The following AGO3 variants were observed in gnomAD, a reference collection of about 807,000 sequenced individuals.
AGO3 encodes the protein protein argonaute-3.
In AGO3, 16 loss-of-function variants were observed where a neutral mutation model predicts 105.5. That is an observed-to-expected ratio of 0.15 (90% CI 0.10 to 0.23). The LOEUF (loss-of-function observed/expected upper bound fraction) is 0.23, where lower values mean the gene tolerates loss of function less well. Among genes scored for constraint, AGO3 ranks in the 10% least tolerant of loss-of-function variants. AGO3 has a pLI of 1.00. For missense variants in AGO3, 534 were observed against 1,088.0 expected, an observed-to-expected ratio of 0.49 and a Z score of 7.16; for synonymous variants, 340 against 367.3, an observed-to-expected ratio of 0.93 and a Z score of 0.85.
rs762199381 is a variant in AGO3 at position 35,966,991 on chromosome 1, A to C, written c.228A>C (p.Val76=). The C allele has an allele frequency of 6.2e-7, 1 of 1,613,430 alleles. No individual in the cohort carries two copies. The highest frequency in any genetic ancestry group is 8.5e-7 in the Non-Finnish European group (1 of 1,179,758). ...ACTCAATGGTTCAGCATTTTAAAGT[A>C]ACTATATTTGGAGACCGTAGACCAG... The part of the protein sequence containing the change: ...VVDSMVQHFK[V]TIFGDRRPVY... Residue 76 remains valine (V), a synonymous_variant, in exon 3 of 19, where the codon GTA becomes GTC. Transcript: ENST00000373191.
chr1:35,943,834 C>T (rs775869519), intron 1 of AGO3, among the ~76,000 whole-genome samples: 30 of 151,894 alleles, frequency 2.0e-4, no homozygotes, highest in Non-Finnish European at 4.0e-4. Flanking sequence ...CTCCTGAGCC[C>T]AAGCAGTCTG....
intron 14 of AGO3, among the ~76,000 whole-genome samples, 180 bp from the exon 15 acceptor site, chr1:36,039,610 T>C (rs998854357): frequency 2.0e-5 from 3 of 151,734 alleles, no homozygotes; most frequent in African/African-American, 7.3e-5. Flanking sequence ...GCTTCCTGAG[T>C]AGCTGGGACT....
At chr1:35,990,413 C>T (rs903298786) in intron 5 of AGO3, among the ~76,000 whole-genome samples, 6 of 152,120 alleles carry the variant, frequency 3.9e-5, no homozygotes, top group African/African-American at 7.2e-5. Context: ...GAGGCTGAGG[C>T]AGGAGAATGG....
chr1:36,005,446 A>G (rs1557679683), intron 6 of AGO3, among the ~76,000 whole-genome samples: 1 of 152,244 alleles, frequency 6.6e-6, no homozygotes, highest in Non-Finnish European at 1.5e-5. Flanking sequence ...TTTGAAAATA[A>G]GCATCCATTT....
intron 11 of AGO3, among the ~76,000 whole-genome samples, chr1:36,018,450 T>C (rs999744988): frequency 1.5e-4 from 23 of 152,104 alleles, no homozygotes; most frequent in Admixed American, 7.9e-4. Flanking sequence ...TTTTTTGTTT[T>C]TTGGTTTTTG....
At chr1:35,973,103 T>C (rs887428450) in intron 4 of AGO3, among the ~76,000 whole-genome samples, 4 of 152,008 alleles carry the variant, frequency 2.6e-5, no homozygotes, top group African/African-American at 9.7e-5. Context: ...AGGTCGGAAC[T>C]GTTAACTTTT....
intron 14 of AGO3, among the ~76,000 whole-genome samples, chr1:36,038,947 A>G (rs960878776): frequency 6.6e-6 from 1 of 152,236 alleles, no homozygotes; most frequent in Non-Finnish European, 1.5e-5. Context: ...ATAGGTTGCT[A>G]AAGTGGAAGA....
At position 36,059,296 on chromosome 1, in the gene AGO3, T is replaced by G. The variant is rs1301591699; in HGVS notation, c.*3551T>G. 6.6e-6 allele frequency: 1 copy of G among 152,080 alleles called. No homozygotes were observed. Among genetic ancestry groups the G allele is most frequent in the Non-Finnish European group, 1.5e-5 (1 of 67,974 alleles). 9.4% of individuals were successfully genotyped at this position (152,080 alleles called of 1,614,324 possible). A position where few individuals can be genotyped will look rare whatever the true frequency, so the allele number is the denominator to read the frequency against. ...ATTGGTTCTTAATTACAAGAAAACT[T>G]GTGCTTAGAATTTTAAGATAAAAGG... On this transcript the variant is annotated 3_prime_UTR_variant, in exon 19 of 19. Transcript: ENST00000373191.
In AGO3 at chr1:36,068,105, TCACA is replaced by T. The variant is rs916798129; in HGVS notation, c.*12366_*12369del. 4 of 151,922 alleles carry T rather than the reference TCACA, an allele frequency of 2.6e-5. No individual in the cohort carries two copies. The highest frequency in any genetic ancestry group is 3.4e-3 in the Middle Eastern group (1 of 294). 9.4% of individuals were successfully genotyped at this position (151,922 alleles called of 1,614,324 possible). On this transcript the variant is annotated 3_prime_UTR_variant, in exon 19 of 19. Coordinates refer to ENST00000373191, the MANE Select transcript of AGO3 (RefSeq NM_024852.4). ...TCACACAATTGTTCTTTTTTCCCCATCACACACACTCACACACAAACACACACAC... is the reference window on the plus strand; with the variant it reads ...TCACACAATTGTTCTTTTTTCCCCATCACACTCACACACAAACACACACAC...
At chr1:36,028,637 G>C (rs1438046602) in intron 12 of AGO3, among the ~76,000 whole-genome samples, 2 of 151,644 alleles carry the variant, frequency 1.3e-5, no homozygotes, top group Non-Finnish European at 2.9e-5. Context: ...TCTTAATCCA[G>C]TCTATCATTG....
At chr1:35,959,805 G>T (rs1372305113) in intron 2 of AGO3, among the ~76,000 whole-genome samples, 1 of 151,914 alleles carries the variant, frequency 6.6e-6, no homozygotes, top group African/African-American at 2.4e-5. Flanking sequence ...AAACATTGTA[G>T]TGTATTCATT....
intron 5 of AGO3, among the ~76,000 whole-genome samples, chr1:35,989,415 C>T (rs1024500744): frequency 4.8e-4 from 73 of 152,298 alleles, no homozygotes; most frequent in African/African-American, 1.7e-3. Flanking sequence ...GATGGTTTGT[C>T]ACAGTTCAGT....
In AGO3 at chr1:35,968,302, CTT is replaced by C. The variant is rs1305201393; in HGVS notation, c.312+1228_312+1229del. Among the ~76,000 whole-genome samples the C allele has an allele frequency of 6.6e-5, 10 of 152,238 alleles. No homozygotes were observed. In the Middle Eastern group the frequency reaches 0.01, roughly 155 times the overall value. On this transcript the variant is annotated intron_variant, in intron 3 of 18. Transcript: ENST00000373191. ...ACATATGTAACATAAAATTTACCGTCTTAACCATTTTTAAGGTATATTTCAGT... is the reference window on the plus strand; with the variant it reads ...ACATATGTAACATAAAATTTACCGTCAACCATTTTTAAGGTATATTTCAGT...
intron 5 of AGO3, among the ~76,000 whole-genome samples, chr1:35,977,018 A>G (rs1646966972): frequency 6.6e-6 from 1 of 151,908 alleles, no homozygotes. Flanking sequence ...TTGGTTTGCT[A>G]GGTAGCTGTT....
chr1:36,050,148 A>G (rs1642645124), intron 17 of AGO3, among the ~76,000 whole-genome samples: 1 of 152,234 alleles, frequency 6.6e-6, no homozygotes, highest in Admixed American at 6.5e-5. Flanking sequence ...ATTCACCAGG[A>G]TAGACCACAT....
At chr1:35,983,009 G>A (rs1647082537) in intron 5 of AGO3, 1 of 183,286 alleles carries the variant, frequency 5.5e-6, no homozygotes. Flanking sequence ...AAATTTTGGG[G>A]GCAGGCTGTC....
At position 35,989,925 on chromosome 1, in the gene AGO3, T is replaced by G. The variant is rs147645730; in HGVS notation, c.659-14416T>G. ...GTGAATCTGATGTTTGTTAGTTATA[T>G]CTCCCTTAAGATGTTATTTACCTCT... is the stretch of plus-strand genomic sequence containing the variant. On this transcript the variant is annotated intron_variant, in intron 5 of 18. Coordinates refer to ENST00000373191, the MANE Select transcript of AGO3 (RefSeq NM_024852.4). Among the ~76,000 whole-genome samples, 88 of 152,166 alleles carry G rather than the reference T, an allele frequency of 5.8e-4. 1 individual carries two copies. Among genetic ancestry groups the G allele is most frequent in the African/African-American group, 2.0e-3 (84 of 41,518 alleles).
At chr1:35,955,656 G>A (rs910044051) in intron 2 of AGO3, among the ~76,000 whole-genome samples, 6 of 151,104 alleles carry the variant, frequency 4.0e-5, no homozygotes, top group Admixed American at 2.0e-4. Context: ...GTGCAGTGGC[G>A]TGAACATGGC....
chr1:35,971,042 A>G (rs1022438663), intron 3 of AGO3, among the ~76,000 whole-genome samples: 2 of 143,606 alleles, frequency 1.4e-5, no homozygotes, highest in South Asian at 4.3e-4. Context: ...ATATATATAT[A>G]TATTTTTTAT....
Sources: gnomAD v4.1 joint callset for allele counts (sites outside exome capture counted in the v4.1 genomes callset) on GRCh38, gnomAD v4.1.1 for gene constraint, MANE v1.5 for transcripts, NCBI Gene and HGNC (gene_info 2026-07-23, HGNC 2026-07-21) for gene names.